GUCY1A2: variants seen among roughly 807,000 people sequenced by gnomAD.
GUCY1A2 encodes guanylate cyclase soluble subunit alpha-2.
Under a neutral mutation model 63.5 loss-of-function variants are expected in GUCY1A2, and 27 were observed. The ratio of observed to expected loss-of-function variants is 0.43; its 90% CI spans 0.31 to 0.59. GUCY1A2 has a LOEUF of 0.59. Among genes scored for constraint, GUCY1A2 ranks in the 20% least tolerant of loss-of-function variants. The pLI is 0.11. For synonymous variants in GUCY1A2, 364 were observed against 343.5 expected (o/e 1.06, Z -0.66); for missense variants, 768 against 913.3 (o/e 0.84, Z 2.05).
At chr11:106,867,409 GGAAGA>G (rs1184277277) in intron 4 of GUCY1A2, among the ~76,000 whole-genome samples, 2 of 151,984 alleles carry the variant, frequency 1.3e-5, no homozygotes, top group African/African-American at 2.4e-5. Flanking sequence ...TCTCCAGTTA[GGAAGA>G]GAAAACAGAG....
At chr11:106,695,348 A>C (rs181652231) in intron 7 of GUCY1A2, among the ~76,000 whole-genome samples, 1 of 152,158 alleles carries the variant, frequency 6.6e-6, no homozygotes, top group Non-Finnish European at 1.5e-5. Flanking sequence ...CAGGGCCTCA[A>C]TTTGCTTAAT....
intron 6 of GUCY1A2, among the ~76,000 whole-genome samples, chr11:106,750,735 T>C (rs1565277718): frequency 6.7e-6 from 1 of 149,660 alleles, no homozygotes; most frequent in East Asian, 1.9e-4. Context: ...ATAGTGGATG[T>C]AAAAAAAAAA....
intron 4 of GUCY1A2, among the ~76,000 whole-genome samples, chr11:106,937,670 A>G (rs1044982538): frequency 6.6e-6 from 1 of 152,228 alleles, no homozygotes; most frequent in Non-Finnish European, 1.5e-5. Context: ...CACATTTAAC[A>G]AGTTTCTTCC....
At chr11:106,728,315 GC>G (rs368032341) in intron 6 of GUCY1A2, among the ~76,000 whole-genome samples, 48 of 152,038 alleles carry the variant, frequency 3.2e-4, no homozygotes, top group African/African-American at 1.1e-3. Context: ...CCCTTTACTA[GC>G]CACAGTTTAT....
chr11:107,001,422 T>C (rs1424625237), intron 1 of GUCY1A2, among the ~76,000 whole-genome samples: 3 of 152,202 alleles, frequency 2.0e-5, no homozygotes, highest in Admixed American at 2.0e-4. Flanking sequence ...AATACATTTT[T>C]TTTAATTGGG....
chr11:106,757,893 C>G (rs1864001511), intron 6 of GUCY1A2, among the ~76,000 whole-genome samples: 1 of 152,194 alleles, frequency 6.6e-6, no homozygotes, highest in East Asian at 1.9e-4. Flanking sequence ...TTGGGAGAAC[C>G]ACTGCTGTCT....
chr11:106,740,934 A>G (rs1187384986), intron 6 of GUCY1A2, among the ~76,000 whole-genome samples: 1 of 152,080 alleles, frequency 6.6e-6, no homozygotes, highest in East Asian at 1.9e-4. Context: ...TGGCCTCCCA[A>G]AGTGCTGGGA....
chr11:106,827,652 A>AT, intron 4 of GUCY1A2: 1 of 1,536,298 alleles, frequency 6.5e-7, no homozygotes, highest in Non-Finnish European at 9.0e-7. Context: ...TATAACCTTG[A>AT]TGTTGGGAAA....
chr11:106,879,812 C>T (rs911583202), intron 4 of GUCY1A2, among the ~76,000 whole-genome samples: 1 of 152,090 alleles, frequency 6.6e-6, no homozygotes, highest in African/African-American at 2.4e-5. Flanking sequence ...AGTCCCTTCA[C>T]TGAGCCATGA....
intron 1 of GUCY1A2, among the ~76,000 whole-genome samples, chr11:106,995,862 T>A (rs940240254): frequency 1.3e-5 from 2 of 152,180 alleles, no homozygotes; most frequent in African/African-American, 4.8e-5. Flanking sequence ...TAGGAATGGA[T>A]CTCATGAGAA....
chr11:106,963,512 C>G (rs1039592005), intron 3 of GUCY1A2, among the ~76,000 whole-genome samples: 14 of 152,164 alleles, frequency 9.2e-5, no homozygotes, highest in Admixed American at 7.8e-4. Flanking sequence ...AACCAATCAC[C>G]TATTCTGGTA....
At chr11:106,902,109 T>C (rs1270321491) in intron 4 of GUCY1A2, among the ~76,000 whole-genome samples, 1 of 152,196 alleles carries the variant, frequency 6.6e-6, no homozygotes, top group Non-Finnish European at 1.5e-5. Context: ...ATATAAATGA[T>C]GTTATGTTAG....
intron 7 of GUCY1A2, among the ~76,000 whole-genome samples, chr11:106,696,335 TAGA>T (rs1169349841): frequency 1.3e-5 from 2 of 152,166 alleles, no homozygotes; most frequent in Non-Finnish European, 2.9e-5. Context: ...AGTGAGAGAT[TAGA>T]AAAGATAACT....
At chr11:106,775,477 GTT>G (rs36074221) in intron 6 of GUCY1A2, among the ~76,000 whole-genome samples, 1 of 146,668 alleles carries the variant, frequency 6.8e-6, no homozygotes, top group Non-Finnish European at 1.5e-5. Context: ...CACCAATTAC[GTT>G]TTTTTTTTTC....
At chr11:106,885,757 A>C (rs1034784755) in intron 4 of GUCY1A2, among the ~76,000 whole-genome samples, 1 of 152,200 alleles carries the variant, frequency 6.6e-6, no homozygotes, top group Non-Finnish European at 1.5e-5. Context: ...ATGTTTTTAA[A>C]GCTCTATACA....
rs1383246322 is a variant in GUCY1A2, at chr11:106,674,200, T to C, written c.*13349A>G. The C allele has an allele frequency of 1.6e-5, 3 of 185,146 alleles. No homozygotes were observed. The highest frequency in any genetic ancestry group is 3.4e-5 in the Non-Finnish European group (3 of 87,254). The allele number at this position is 185,146 out of a possible 1,614,324, so 11.5% of individuals were successfully genotyped here. On this transcript the variant is annotated 3_prime_UTR_variant, in exon 8 of 8. Transcript: ENST00000526355. ...ACGTTTCCATCACTTATTTTTCATATACAAATTCACCTTGTTCTGCAGTCT... is the reference window on the plus strand; with the variant it reads ...ACGTTTCCATCACTTATTTTTCATACACAAATTCACCTTGTTCTGCAGTCT...
intron 4 of GUCY1A2, among the ~76,000 whole-genome samples, chr11:106,832,811 A>G (rs528718236): frequency 6.6e-6 from 1 of 152,164 alleles, no homozygotes; most frequent in Non-Finnish European, 1.5e-5. Flanking sequence ...CTAATTTATC[A>G]TAAACATTAT....
chr11:106,725,265 C>T lies in GUCY1A2; in HGVS notation c.1837-16599G>A, dbSNP rs376713508. The stretch of plus-strand genomic sequence containing the variant: ...TCGGCTCACTGGAGGCTCCGCCTCC[C>T]GGGTTCACGCCATTCTCCTGCCTCA... On this transcript the variant is annotated intron_variant, in intron 6 of 7. Transcript: ENST00000526355. 2.3e-4 allele frequency among the ~76,000 whole-genome samples: 16 copies of T among 71,034 alleles called. 1 individual carries two copies. In the East Asian group the frequency reaches 2.9e-3, roughly 13 times the overall value. The allele number at this position is 71,034 out of a possible 152,430, so 46.6% of individuals were successfully genotyped here.
intron 5 of GUCY1A2, among the ~76,000 whole-genome samples, chr11:106,799,309 T>C (rs1220888062): frequency 2.0e-5 from 3 of 152,244 alleles, no homozygotes; most frequent in South Asian, 4.1e-4. Flanking sequence ...GTCATGAAAA[T>C]GGCCATACTG....
Sources: allele counts gnomAD v4.1 joint callset (sites outside exome capture counted in the v4.1 genomes callset), GRCh38; gene constraint gnomAD v4.1.1; transcripts MANE v1.5; gene names NCBI Gene and HGNC (gene_info 2026-07-23, HGNC 2026-07-21).